IARS1: variants seen among roughly 807,000 people sequenced by gnomAD.
The protein encoded by IARS1 is isoleucyl-tRNA synthetase 1, also known as isoleucine--tRNA ligase, cytoplasmic.
Under a neutral mutation model 168.2 loss-of-function variants are expected in IARS1, and 124 were observed. The observed-to-expected ratio is 0.74, with a 90% confidence interval of 0.64 to 0.86. IARS1 has a LOEUF of 0.86. Among genes scored for constraint, IARS1 ranks in the 40% least tolerant of loss-of-function variants. The probability of loss-of-function intolerance (pLI) is 0.00; values close to 1 mark genes in which losing one functional copy is unlikely to be tolerated. For synonymous variants in IARS1, 532 were observed against 529.4 expected, an observed-to-expected ratio of 1.00 and a Z score of -0.07; for missense variants, 1,452 against 1,515.8, an observed-to-expected ratio of 0.96 and a Z score of 0.70.
chr9:92,230,003 GCAAA>G (rs142794290), intron 30 of IARS1, among the ~76,000 whole-genome samples: 17,457 of 151,968 alleles, frequency 0.11, 1,046 homozygotes, highest in Middle Eastern at 0.15. Flanking sequence ...TTAATCCCTG[GCAAA>G]CAGTCTCCAT....
chr9:92,255,620 A>G (rs956270502), intron 20 of IARS1, among the ~76,000 whole-genome samples: 12 of 152,234 alleles, frequency 7.9e-5, no homozygotes, highest in Admixed American at 7.2e-4. Context: ...AAAGAAGGGG[A>G]CTATTTAGTA....
chr9:92,278,515 C>T (rs1466921685), intron 7 of IARS1, among the ~76,000 whole-genome samples: 4 of 152,150 alleles, frequency 2.6e-5, no homozygotes, highest in Non-Finnish European at 4.4e-5. Flanking sequence ...TATTATTTAT[C>T]GCTCAGATAT....
At chr9:92,235,629 T>C (rs1827392477) in intron 30 of IARS1, among the ~76,000 whole-genome samples, 1 of 150,808 alleles carries the variant, frequency 6.6e-6, no homozygotes, top group Non-Finnish European at 1.5e-5. Context: ...GCAATTCTCC[T>C]GCCTCAATAA....
In IARS1 at chr9:92,210,457, CAAAT is replaced by C; in HGVS notation, c.*346_*349del. ...ATATGTCCATTTCATCAAGAGGTCT[CAAAT>C]AAATTTTAAAAGGCCAGAAAATGAT... On this transcript the variant is annotated 3_prime_UTR_variant, in exon 34 of 34. Coordinates refer to ENST00000443024, the MANE Select transcript of IARS1 (RefSeq NM_002161.6). 6.0e-6 allele frequency: 1 copy of C among 166,190 alleles called. No individual in the cohort carries two copies. Among genetic ancestry groups the C allele is most frequent in the Middle Eastern group, 2.8e-3 (1 of 358 alleles). 10.3% of individuals were successfully genotyped at this position (166,190 alleles called of 1,614,324 possible).
rs868308033 is a variant in IARS1, at chr9:92,280,682, A to G, written c.745+64T>C. Reference sequence around the variant, plus strand: ...CATGCAAAAAGAAAGGTAAGCTTTCATATTTTCCAAAATATAAAATTATCT... The same window carrying G: ...CATGCAAAAAGAAAGGTAAGCTTTCGTATTTTCCAAAATATAAAATTATCT... On this transcript the variant is annotated intron_variant, in intron 7 of 33. Coordinates refer to ENST00000443024, the MANE Select transcript of IARS1 (RefSeq NM_002161.6). The G allele has an allele frequency of 9.3e-6, 10 of 1,076,052 alleles. No individual in the cohort carries two copies. The African/African-American group carries it at 1.1e-4, about 12-fold the overall frequency. The allele number at this position is 1,076,052 out of a possible 1,614,324, so 66.7% of individuals were successfully genotyped here. A position where few individuals can be genotyped will look rare whatever the true frequency, so the allele number is the denominator to read the frequency against.
At chr9:92,249,708 C>A (rs1263470925) in intron 25 of IARS1, 150 bp downstream of exon 25, 1 of 461,340 alleles carries the variant, frequency 2.2e-6, no homozygotes, top group Admixed American at 3.8e-5. Flanking sequence ...TATGTTGATT[C>A]CAAGCACAGT....
intron 22 of IARS1, among the ~76,000 whole-genome samples, chr9:92,251,516 G>A (rs1015659932): frequency 6.6e-6 from 1 of 152,148 alleles, no homozygotes; most frequent in African/African-American, 2.4e-5. Flanking sequence ...ACATTAAGAT[G>A]AGGTATGTCT....
At chr9:92,250,687 G>T (rs763344380) in intron 23 of IARS1, 26 bp downstream of exon 23, 1 of 1,575,946 alleles carries the variant, frequency 6.3e-7, no homozygotes, top group African/African-American at 1.4e-5. Context: ...TGGCACAGGT[G>T]AGGCTTATTT....
At chr9:92,214,714 GGGCTTAAAAAAC>G (rs1431952411) in intron 33 of IARS1, among the ~76,000 whole-genome samples, 3 of 152,158 alleles carry the variant, frequency 2.0e-5, no homozygotes, top group Non-Finnish European at 2.9e-5. Context: ...CTTTTCCGAT[GGGCTTAAAAAAC>G]GGCGCACCAC....
chr9:92,234,040 C>T (rs918176222), intron 30 of IARS1, among the ~76,000 whole-genome samples: 2 of 152,192 alleles, frequency 1.3e-5, no homozygotes, highest in South Asian at 2.1e-4. Flanking sequence ...GGAATACATG[C>T]GTGAACCACC....
chr9:92,292,066 G>C (rs1836438564), intron 1 of IARS1, among the ~76,000 whole-genome samples: 1 of 148,842 alleles, frequency 6.7e-6, no homozygotes, highest in Non-Finnish European at 1.5e-5. Flanking sequence ...ACCTAGGCTG[G>C]AGTGCAGTGG....
chr9:92,244,764 T>C lies in IARS1; in HGVS notation c.2904+195A>G, dbSNP rs1828934856. 7.9e-5 allele frequency among the ~76,000 whole-genome samples: 12 copies of C among 152,244 alleles called. No individual in the cohort carries two copies. The South Asian group carries it at 2.3e-3, about 29-fold the overall frequency. ...GTAGAAATCACAAAATGCTTACTTATGTATTCACTAAACAAATGCATATGT... is the reference window on the plus strand; with the variant it reads ...GTAGAAATCACAAAATGCTTACTTACGTATTCACTAAACAAATGCATATGT... On this transcript the variant is annotated intron_variant, in intron 27 of 33. Transcript: ENST00000443024.
chr9:92,272,742 T>C (rs2133883509), intron 10 of IARS1, among the ~76,000 whole-genome samples: 1 of 152,030 alleles, frequency 6.6e-6, no homozygotes, highest in African/African-American at 2.4e-5. Flanking sequence ...TCCCAGCTAC[T>C]TGGCAGGCTG....
chr9:92,253,397 T>C lies in IARS1; in HGVS notation c.2194A>G (p.Asn732Asp), dbSNP rs748389776. ...RLVKFVDILT[N>D]WYVRMNRRRL... ...CTGCGGTTCATTCTAACATACCAAT[T>C]GGTCAGAATATCTACAAACTTGACC... The change falls in exon 21 of 34, where the codon AAT becomes GAT. Residue 732 changes from asparagine (N) to aspartate (D), a missense_variant. Coordinates refer to ENST00000443024, the MANE Select transcript of IARS1 (RefSeq NM_002161.6). The C allele has an allele frequency of 1.2e-6, 2 of 1,613,728 alleles. No individual in the cohort carries two copies. The highest frequency in any genetic ancestry group is 3.3e-5 in the Admixed American group (2 of 60,022).
chr9:92,271,146 TCTGATA>T, intron 11 of IARS1, 70 bp from the exon 12 acceptor site: 1 of 850,054 alleles, frequency 1.2e-6, no homozygotes, highest in South Asian at 2.0e-5. Flanking sequence ...ATTACTAGAA[TCTGATA>T]CCTTGTTATG....
intron 30 of IARS1, among the ~76,000 whole-genome samples, chr9:92,239,610 T>C (rs574061522): frequency 5.3e-5 from 8 of 152,342 alleles, no homozygotes; most frequent in Middle Eastern, 6.8e-3. Context: ...ACTGCTGCCA[T>C]GCATTTGTAA....
chr9:92,245,792 A>C (rs941553840), intron 26 of IARS1, among the ~76,000 whole-genome samples: 22 of 148,334 alleles, frequency 1.5e-4, no homozygotes, highest in Admixed American at 1.4e-3. Context: ...TTTGAGACAG[A>C]GTCTTGCTTT....
intron 14 of IARS1, among the ~76,000 whole-genome samples, chr9:92,266,403 G>A (rs571635041): frequency 3.3e-5 from 5 of 152,306 alleles, no homozygotes; most frequent in African/African-American, 1.2e-4. Context: ...GACCTAGATG[G>A]GATGGCCTAA....
Position 92,268,301 on chromosome 9 carries a change from C to G in IARS1, c.1305-1G>C. 1 of 1,607,500 alleles carries G rather than the reference C, an allele frequency of 6.2e-7. No individual in the cohort carries two copies. The highest frequency in any genetic ancestry group is 8.5e-7 in the Non-Finnish European group (1 of 1,178,344). ...TTTTTCTCGTACCAACTCTGGGACCCTGCAATAAACAGATCACATAACCAA... is the reference window on the plus strand; with the variant it reads ...TTTTTCTCGTACCAACTCTGGGACCGTGCAATAAACAGATCACATAACCAA... On this transcript the variant is annotated splice_acceptor_variant, in intron 13 of 33. Coordinates refer to ENST00000443024, the MANE Select transcript of IARS1 (RefSeq NM_002161.6). LOFTEE classifies it high-confidence loss of function.
Sources: gnomAD v4.1 joint callset for allele counts (sites outside exome capture counted in the v4.1 genomes callset) on GRCh38, gnomAD v4.1.1 for gene constraint, MANE v1.5 for transcripts, NCBI Gene and HGNC (gene_info 2026-07-23, HGNC 2026-07-21) for gene names.